Variants in LRRC7 observed in about 807,000 individuals in gnomAD.
The protein encoded by LRRC7 is leucine rich repeat containing 7.
Under a neutral mutation model 175.7 loss-of-function variants are expected in LRRC7, and 23 were observed. That is an observed-to-expected ratio of 0.13 (90% CI 0.09 to 0.19). The LOEUF (loss-of-function observed/expected upper bound fraction) is 0.19. Among genes scored for constraint, LRRC7 ranks in the 10% least tolerant of loss-of-function variants. The pLI is 1.00. For missense variants in LRRC7, 1,354 were observed against 1,904.7 expected (o/e 0.71, Z 5.38); for synonymous variants, 685 against 680.9 (o/e 1.01, Z -0.09).
intron 1 of LRRC7, among the ~76,000 whole-genome samples, chr1:69,616,484 A>C (rs1338434727): frequency 6.6e-6 from 1 of 152,042 alleles, no homozygotes; most frequent in African/African-American, 2.4e-5. Context: ...TTCCTCAATT[A>C]AGCAATCAAA....
rs1490952592 is a variant in LRRC7 at position 70,129,668 on chromosome 1, A to G, written c.*7781A>G. Among the ~76,000 whole-genome samples, 1 of 152,180 alleles carries G rather than the reference A, an allele frequency of 6.6e-6. No homozygotes were observed. Among genetic ancestry groups the G allele is most frequent in the Non-Finnish European group, 1.5e-5 (1 of 68,034 alleles). On this transcript the variant is annotated 3_prime_UTR_variant, in exon 27 of 27. Transcript: ENST00000651989. The stretch of plus-strand genomic sequence containing the variant: ...CACTCCGAAATGCAAGGAGTTGAAC[A>G]ATCATTCAGCTGGCTGCATTTCATG...
At chr1:69,916,018 G>A (rs1277623268) in intron 7 of LRRC7, among the ~76,000 whole-genome samples, 8 of 128,038 alleles carry the variant, frequency 6.2e-5, no homozygotes, top group Non-Finnish European at 1.3e-4. Flanking sequence ...CGTGGTCTTA[G>A]CTATTTTATA....
chr1:70,082,781 A>ATCTTTTTTTTT (rs1553201466), intron 24 of LRRC7, among the ~76,000 whole-genome samples: 16,835 of 52,242 alleles, frequency 0.32, 6,946 homozygotes, highest in Middle Eastern at 0.43. Flanking sequence ...ATACCAGTAC[A>ATCTTTTTTTTT]TTTTTTTTTT....
chr1:69,588,330 T>C (rs903812266), intron 1 of LRRC7, among the ~76,000 whole-genome samples: 1 of 152,134 alleles, frequency 6.6e-6, no homozygotes, highest in South Asian at 2.1e-4. Flanking sequence ...ATCTATTCAG[T>C]AAATATTTAT....
chr1:69,735,525 G>A (rs1038443252), intron 2 of LRRC7, among the ~76,000 whole-genome samples: 2 of 152,076 alleles, frequency 1.3e-5, no homozygotes, highest in Non-Finnish European at 2.9e-5. Context: ...CACAACTGGT[G>A]ATACTAAATT....
chr1:69,855,661 G>A (rs1356001193), intron 7 of LRRC7, among the ~76,000 whole-genome samples: 4 of 152,052 alleles, frequency 2.6e-5, no homozygotes, highest in South Asian at 2.1e-4. Flanking sequence ...GCGGAGCTGA[G>A]TTCAATTCCT....
At chr1:69,603,669 CTTACT>C (rs1329190575) in intron 1 of LRRC7, among the ~76,000 whole-genome samples, 4 of 152,032 alleles carry the variant, frequency 2.6e-5, no homozygotes, top group Non-Finnish European at 4.4e-5. Context: ...AGTAGAAATT[CTTACT>C]TTAATTATTG....
chr1:69,759,174 C>T (rs773120175), intron 2 of LRRC7, among the ~76,000 whole-genome samples: 12 of 151,948 alleles, frequency 7.9e-5, no homozygotes, highest in South Asian at 2.1e-4. Flanking sequence ...ATAAGTTTTT[C>T]AAGCAATTAT....
chr1:70,111,351 A>G (rs906885447), intron 26 of LRRC7, among the ~76,000 whole-genome samples: 1 of 152,164 alleles, frequency 6.6e-6, no homozygotes, highest in Middle Eastern at 3.2e-3. Flanking sequence ...CTGTTGTACT[A>G]TTCATTTTCC....
intron 18 of LRRC7, among the ~76,000 whole-genome samples, chr1:70,032,037 T>C (rs961404780): frequency 2.6e-5 from 4 of 152,160 alleles, no homozygotes; most frequent in African/African-American, 7.2e-5. Flanking sequence ...GACATCATAA[T>C]CCACCCACCT....
intron 7 of LRRC7, among the ~76,000 whole-genome samples, chr1:69,846,234 T>A (rs1169222438): frequency 2.0e-5 from 3 of 151,982 alleles, no homozygotes; most frequent in Non-Finnish European, 2.9e-5. Context: ...AAACACTGAG[T>A]TCTGCCTTGT....
At chr1:69,952,160 ATAAC>A (rs1227927548) in intron 8 of LRRC7, among the ~76,000 whole-genome samples, 2 of 152,076 alleles carry the variant, frequency 1.3e-5, no homozygotes, top group African/African-American at 4.8e-5. Flanking sequence ...GTTATATAAT[ATAAC>A]TAATTATTAT....
At chr1:69,944,046 C>CTAA (rs1649038640) in intron 8 of LRRC7, among the ~76,000 whole-genome samples, 1 of 151,072 alleles carries the variant, frequency 6.6e-6, no homozygotes, top group African/African-American at 2.4e-5. Flanking sequence ...TTGTGAACTA[C>CTAA]TAAGCACAAT....
intron 4 of LRRC7, among the ~76,000 whole-genome samples, chr1:69,814,572 G>T (rs1678358427): frequency 6.6e-6 from 1 of 152,046 alleles, no homozygotes; most frequent in South Asian, 2.1e-4. Context: ...TGCCATCTAA[G>T]ATTAAATGCT....
intron 7 of LRRC7, among the ~76,000 whole-genome samples, chr1:69,858,374 C>G (rs1163653131): frequency 6.6e-6 from 1 of 152,082 alleles, no homozygotes; most frequent in African/African-American, 2.4e-5. Flanking sequence ...TGACAAAGGA[C>G]TAATATCCAG....
intron 25 of LRRC7, among the ~76,000 whole-genome samples, chr1:70,099,878 T>C (rs1664689117): frequency 6.6e-6 from 1 of 152,174 alleles, no homozygotes; most frequent in Admixed American, 6.5e-5. Context: ...CCATATTAAA[T>C]ACAGGCTTTA....
intron 7 of LRRC7, among the ~76,000 whole-genome samples, chr1:69,909,059 T>G (rs902958367): frequency 1.4e-3 from 207 of 151,944 alleles, no homozygotes; most frequent in South Asian, 6.9e-3. Context: ...TTTGTTGGTT[T>G]AAAGTCTGTT....
intron 7 of LRRC7, among the ~76,000 whole-genome samples, chr1:69,882,023 A>G (rs1686664652): frequency 6.6e-6 from 1 of 151,306 alleles, no homozygotes; most frequent in Admixed American, 6.6e-5. Flanking sequence ...AAAAAAAAAA[A>G]AAGCAAACAA....
At chr1:69,750,643 G>A (rs1316952702) in intron 2 of LRRC7, among the ~76,000 whole-genome samples, 2 of 152,148 alleles carry the variant, frequency 1.3e-5, no homozygotes, top group Non-Finnish European at 2.9e-5. Flanking sequence ...AGATCAAGGT[G>A]CCAGCAAGTT....
Sources: allele counts gnomAD v4.1 joint callset (sites outside exome capture counted in the v4.1 genomes callset), GRCh38; gene constraint gnomAD v4.1.1; transcripts MANE v1.5; gene names NCBI Gene and HGNC (gene_info 2026-07-23, HGNC 2026-07-21).